Variants in ECE1 observed in about 807,000 individuals in gnomAD.
ECE1 encodes endothelin-converting enzyme 1.
ECE1 carries 35 observed loss-of-function variants against 98.6 expected under a neutral mutation model. The ratio of observed to expected loss-of-function variants is 0.35; its 90% CI spans 0.27 to 0.47. ECE1 has a LOEUF of 0.47. ECE1 is among the 20% of genes least tolerant of loss of function. The probability of loss-of-function intolerance (pLI) is 1.00; values close to 1 mark genes in which losing one functional copy is unlikely to be tolerated. For missense variants in ECE1, 814 were observed against 1,025.3 expected (o/e 0.79, Z 2.81); for synonymous variants, 394 against 407.1 (o/e 0.97, Z 0.39).
At position 21,221,489 on chromosome 1, in the gene ECE1, G is replaced by A. The variant is rs531446325; in HGVS notation, c.2136+258C>T. Among the ~76,000 whole-genome samples, 32 of 152,250 alleles carry A rather than the reference G, an allele frequency of 2.1e-4. No individual in the cohort carries two copies. The East Asian group carries it at 6.0e-3, about 28-fold the overall frequency. On this transcript the variant is annotated intron_variant, in intron 18 of 18. Coordinates refer to ENST00000374893, the MANE Select transcript of ECE1 (RefSeq NM_001397.3). ...GCCTGGCTGGTCATCTTAAGTTTAA[G>A]AAACCTCTAGAACCCTAGAACCAGA...
chr1:21,246,498 CAA>C lies in ECE1; in HGVS notation c.1163+721_1163+722del, dbSNP rs368916726. Among the ~76,000 whole-genome samples, 16 of 96,668 alleles carry C rather than the reference CAA, an allele frequency of 1.7e-4. 1 individual carries two copies. Among genetic ancestry groups the C allele is most frequent in the South Asian group, 3.2e-4 (1 of 3,102 alleles). The allele number at this position is 96,668 out of a possible 152,430, so 63.4% of individuals were successfully genotyped here. On this transcript the variant is annotated intron_variant, in intron 9 of 18. Coordinates refer to ENST00000374893, the MANE Select transcript of ECE1 (RefSeq NM_001397.3). Reference sequence around the variant, plus strand: ...TGGGTGACAGAGTGAGACTCCATCTCAAAAAAAAAAAAAAAAGAAAAGAAAAG... The same window carrying C: ...TGGGTGACAGAGTGAGACTCCATCTCAAAAAAAAAAAAAAGAAAAGAAAAG...
At chr1:21,228,228 C>A (rs537571602) in intron 14 of ECE1, among the ~76,000 whole-genome samples, 187 bp from the exon 15 acceptor site, 14 of 152,190 alleles carry the variant, frequency 9.2e-5, no homozygotes, top group African/African-American at 2.9e-4. Context: ...GAGACAGGGT[C>A]TCGTTCTGTC....
At chr1:21,285,927 G>T (rs576839177) in intron 2 of ECE1, among the ~76,000 whole-genome samples, 99 of 150,884 alleles carry the variant, frequency 6.6e-4, no homozygotes, top group African/African-American at 2.3e-3. Context: ...AGGAGGTGGA[G>T]GTTGCAGTGA....
In ECE1 at chr1:21,276,025, GCTTT is replaced by G. The variant is rs1160351233; in HGVS notation, c.281-3118_281-3115del. ...GGCAACTAGCAGCTGTTTAATACGT[GCTTT>G]TTTTTTTTTTTTTTTTTTTTGAGAC... On this transcript the variant is annotated intron_variant, in intron 3 of 18. Transcript: ENST00000374893. Among the ~76,000 whole-genome samples, 27 of 130,026 alleles carry G rather than the reference GCTTT, an allele frequency of 2.1e-4. No homozygotes were observed. The South Asian group carries it at 4.0e-3, about 19-fold the overall frequency. 85.3% of individuals were successfully genotyped at this position (130,026 alleles called of 152,430 possible).
intron 1 of ECE1, among the ~76,000 whole-genome samples, chr1:21,336,759 C>T (rs1343841433): frequency 6.6e-6 from 1 of 152,170 alleles, no homozygotes; most frequent in African/African-American, 2.4e-5. Flanking sequence ...AGGAGAATGG[C>T]GTGAACCCAA....
At chr1:21,281,593 G>A (rs1365765706) in intron 2 of ECE1, among the ~76,000 whole-genome samples, 1 of 152,194 alleles carries the variant, frequency 6.6e-6, no homozygotes, top group Non-Finnish European at 1.5e-5. Flanking sequence ...GTGTCCTGCT[G>A]CCCCTAATTT....
In ECE1 at chr1:21,327,693, C is replaced by G. The variant is rs1438573215; in HGVS notation, c.3+17683G>C. Among the ~76,000 whole-genome samples, 1 of 152,212 alleles carries G rather than the reference C, an allele frequency of 6.6e-6. No homozygotes were observed. The highest frequency in any genetic ancestry group is 1.9e-4 in the East Asian group (1 of 5,194). ...AGCCCTGACCACCCTTCAGCTTCAC[C>G]CTTCCTCTCTACTCCAGCTACACAG... On this transcript the variant is annotated intron_variant, in intron 1 of 18. Coordinates refer to the ECE1 transcript ENST00000415912. This position sits in a 1 kb window ranked among gnomAD's most constrained non-coding sequence, Gnocchi z 4.6.
chr1:21,307,654 G>C lies in ECE1; in HGVS notation c.4-17498C>G, dbSNP rs1292167531. Among the ~76,000 whole-genome samples the C allele has an allele frequency of 6.6e-6, 1 of 152,180 alleles. No homozygotes were observed. Among genetic ancestry groups the C allele is most frequent in the African/African-American group, 2.4e-5 (1 of 41,440 alleles). ...CTGGGTCTGGGGCTGGGGCTTCTTT[G>C]TACCTCTGAGGTACAAAGTGGAAGC... On this transcript the variant is annotated intron_variant, in intron 1 of 18. Coordinates refer to the ECE1 transcript ENST00000415912. This position sits in a 1 kb window ranked among gnomAD's most constrained non-coding sequence, Gnocchi z 4.2.
At position 21,260,910 on chromosome 1, in the gene ECE1, C is replaced by T. The variant is rs1378495653; in HGVS notation, c.494-518G>A. Among the ~76,000 whole-genome samples, 2 of 152,238 alleles carry T rather than the reference C, an allele frequency of 1.3e-5. No homozygotes were observed. The highest frequency in any genetic ancestry group is 4.8e-5 in the African/African-American group (2 of 41,458). On this transcript the variant is annotated intron_variant, in intron 4 of 18. Coordinates refer to ENST00000374893, the MANE Select transcript of ECE1 (RefSeq NM_001397.3). This position sits in a 1 kb window ranked among gnomAD's most constrained non-coding sequence, Gnocchi z 4.3. ...GCACGTTCACCAGGCTTACAGCCAA[C>T]TCCTGGGGCCGTTTTCCACCGCCCT...
At chr1:21,344,919 GGC>G (rs1381766337) in intron 1 of ECE1, 1 of 153,606 alleles carries the variant, frequency 6.5e-6, no homozygotes, top group East Asian at 1.9e-4. Context: ...AGTGCCCCAA[GGC>G]GAGCCCCAGA....
intron 1 of ECE1, among the ~76,000 whole-genome samples, chr1:21,302,674 G>A (rs1442549100): frequency 6.6e-6 from 1 of 152,174 alleles, no homozygotes; most frequent in African/African-American, 2.4e-5. Context: ...CGCCAGAGTG[G>A]GAGCCAGAAG....
chr1:21,302,882 G>A (rs987220150), intron 1 of ECE1, among the ~76,000 whole-genome samples: 12 of 152,220 alleles, frequency 7.9e-5, no homozygotes, highest in African/African-American at 2.9e-4. Context: ...TGCCCCAGCT[G>A]TTGGCCCCTG....
At chr1:21,315,553 G>A (rs956074136) in intron 1 of ECE1, among the ~76,000 whole-genome samples, 1 of 152,136 alleles carries the variant, frequency 6.6e-6, no homozygotes, top group East Asian at 1.9e-4. Flanking sequence ...CAGCACTTTG[G>A]GAGGCCAAGG....
intron 2 of ECE1, among the ~76,000 whole-genome samples, chr1:21,281,760 G>A (rs192762572): frequency 2.6e-5 from 4 of 152,162 alleles, no homozygotes; most frequent in African/African-American, 9.7e-5. Context: ...GCAATGGCAC[G>A]ATCTCGGCTC....
chr1:21,332,817 G>C (rs1374365563), intron 1 of ECE1, among the ~76,000 whole-genome samples: 28 of 127,004 alleles, frequency 2.2e-4, no homozygotes, highest in Admixed American at 4.2e-4. Flanking sequence ...GAGTTAGAGG[G>C]AAGGGGGCTG....
rs759474469 is a variant in ECE1 at position 21,220,595 on chromosome 1, G to A, written c.2137-464C>T. ...GTGGATCACTTGAGGCCAGGAGTTCGAGACCGGCCTGACAAACATGGTGAA... is the reference window on the plus strand; with the variant it reads ...GTGGATCACTTGAGGCCAGGAGTTCAAGACCGGCCTGACAAACATGGTGAA... On this transcript the variant is annotated intron_variant, in intron 18 of 18. Transcript: ENST00000374893. This position sits in a 1 kb window ranked among gnomAD's most constrained non-coding sequence, Gnocchi z 5.0. 5.3e-5 allele frequency among the ~76,000 whole-genome samples: 8 copies of A among 152,096 alleles called. No homozygotes were observed. Among genetic ancestry groups the A allele is most frequent in the Non-Finnish European group, 1.0e-4 (7 of 68,012 alleles).
chr1:21,262,027 G>A (rs750038219), intron 4 of ECE1, among the ~76,000 whole-genome samples: 3 of 152,250 alleles, frequency 2.0e-5, no homozygotes, highest in African/African-American at 7.2e-5. Context: ...GCCTCACCCC[G>A]AGAGCTCCCT....
chr1:21,302,393 C>T (rs780464734), intron 1 of ECE1, among the ~76,000 whole-genome samples: 1 of 152,234 alleles, frequency 6.6e-6, no homozygotes. Flanking sequence ...CCTGTCTGAG[C>T]CTCGACTTTC....
intron 1 of ECE1, among the ~76,000 whole-genome samples, chr1:21,309,991 C>T (rs867668380): frequency 2.0e-5 from 3 of 147,280 alleles, no homozygotes; most frequent in South Asian, 2.1e-4. Context: ...GGGGTTTCAC[C>T]GTGTTAGCCA....
Sources: allele counts gnomAD v4.1 joint callset (sites outside exome capture counted in the v4.1 genomes callset), GRCh38; gene constraint gnomAD v4.1.1; non-coding constraint Gnocchi (gnomAD v3.1); transcripts MANE v1.5; gene names NCBI Gene and HGNC (gene_info 2026-07-23, HGNC 2026-07-21).